Variants in NRXN1 observed in about 807,000 individuals in gnomAD.
NRXN1 encodes the protein neurexin 1.
Under a neutral mutation model 150.9 loss-of-function variants are expected in NRXN1, and 39 were observed. That is an observed-to-expected ratio of 0.26 (90% CI 0.20 to 0.34). NRXN1 has a LOEUF of 0.34. NRXN1 is among the 10% of genes least tolerant of loss of function. The pLI, the probability that NRXN1 is intolerant of heterozygous loss-of-function variation, is 1.00. For missense variants in NRXN1, 1,815 were observed against 1,949.9 expected (o/e 0.93, Z 1.30); for synonymous variants, 924 against 757.0 (o/e 1.22, Z -3.62).
At chr2:50,274,718 G>C (rs1219812952) in intron 17 of NRXN1, among the ~76,000 whole-genome samples, 5 of 151,932 alleles carry the variant, frequency 3.3e-5, no homozygotes, top group Non-Finnish European at 7.4e-5. Context: ...ATGAGCATAG[G>C]CTGGCTGCCA....
intron 18 of NRXN1, among the ~76,000 whole-genome samples, chr2:50,160,659 CAA>C (rs1346324972): frequency 1.3e-5 from 2 of 151,802 alleles, no homozygotes; most frequent in Non-Finnish European, 2.9e-5. Flanking sequence ...AAAGATTGCT[CAA>C]AAAAAGACTC....
chr2:50,140,414 G>C (rs182666048), intron 18 of NRXN1, among the ~76,000 whole-genome samples: 23 of 152,148 alleles, frequency 1.5e-4, no homozygotes, highest in Non-Finnish European at 3.1e-4. Context: ...GATGTTCCTA[G>C]ATACCTTTGG....
chr2:49,988,250 C>G (rs930474618), intron 21 of NRXN1, among the ~76,000 whole-genome samples: 3 of 151,324 alleles, frequency 2.0e-5, no homozygotes, highest in African/African-American at 7.3e-5. Flanking sequence ...AGGAAACCCA[C>G]AGAGAAAGAC....
intron 12 of NRXN1, among the ~76,000 whole-genome samples, chr2:50,512,387 G>T (rs1278565900): frequency 6.6e-6 from 1 of 152,040 alleles, no homozygotes; most frequent in Non-Finnish European, 1.5e-5. Flanking sequence ...TTTTAATGGT[G>T]ATAACTTTTT....
At chr2:50,028,912 G>C (rs1688774239) in intron 21 of NRXN1, among the ~76,000 whole-genome samples, 1 of 152,194 alleles carries the variant, frequency 6.6e-6, no homozygotes, top group South Asian at 2.1e-4. Context: ...CCAAGGAAAT[G>C]TGCTGGGTTC....
intron 13 of NRXN1, among the ~76,000 whole-genome samples, chr2:50,506,102 C>A (rs1356024850): frequency 6.6e-6 from 1 of 152,102 alleles, no homozygotes; most frequent in African/African-American, 2.4e-5. Flanking sequence ...GTATATCTAT[C>A]ATCTTACCTA....
chr2:50,203,418 C>A lies in NRXN1; in HGVS notation c.3546+33371G>T, dbSNP rs150437866. ...CTGAACCTTATTTTTGTACAAGGGT[C>A]CATGTTTGAAGCATTTGAAAGATTT... On this transcript the variant is annotated intron_variant, in intron 18 of 22. Coordinates refer to ENST00000401669, the MANE Select transcript of NRXN1 (RefSeq NM_001330078.2). 1.3e-5 allele frequency among the ~76,000 whole-genome samples: 2 copies of A among 152,178 alleles called. 1 individual carries two copies. The highest frequency in any genetic ancestry group is 4.8e-5 in the African/African-American group (2 of 41,518).
At chr2:50,834,035 A>G (rs1186812697) in intron 5 of NRXN1, among the ~76,000 whole-genome samples, 1 of 152,184 alleles carries the variant, frequency 6.6e-6, no homozygotes, top group Non-Finnish European at 1.5e-5. Context: ...ATACCAGATT[A>G]TACAAAATAC....
chr2:50,180,114 T>G (rs2060606974), intron 18 of NRXN1, among the ~76,000 whole-genome samples: 1 of 152,058 alleles, frequency 6.6e-6, no homozygotes, highest in African/African-American at 2.4e-5. Flanking sequence ...CTTGAACTCC[T>G]GGGCTCAAGC....
intron 5 of NRXN1, among the ~76,000 whole-genome samples, chr2:50,787,123 T>C (rs994248720): frequency 2.0e-5 from 3 of 152,100 alleles, no homozygotes; most frequent in Non-Finnish European, 2.9e-5. Context: ...AAAAGAAATA[T>C]TGCCATCTCC....
intron 2 of NRXN1, among the ~76,000 whole-genome samples, chr2:50,963,663 G>C (rs985590421): frequency 2.6e-5 from 4 of 151,644 alleles, no homozygotes; most frequent in Non-Finnish European, 5.9e-5. Context: ...TGACATACAT[G>C]TTTAAGCAAG....
At chr2:50,975,062 T>C (rs1695612712) in intron 2 of NRXN1, among the ~76,000 whole-genome samples, 1 of 152,104 alleles carries the variant, frequency 6.6e-6, no homozygotes, top group African/African-American at 2.4e-5. Context: ...CACAAGGTTC[T>C]TTTCATAAAA....
chr2:50,414,184 A>G (rs1349320621), intron 17 of NRXN1, among the ~76,000 whole-genome samples: 2 of 152,178 alleles, frequency 1.3e-5, no homozygotes, highest in Admixed American at 1.3e-4. Context: ...ACATTTTAAA[A>G]TAACTTAAAA....
At chr2:50,464,235 T>C (rs1430151182) in intron 17 of NRXN1, among the ~76,000 whole-genome samples, 7 of 151,758 alleles carry the variant, frequency 4.6e-5, no homozygotes, top group Non-Finnish European at 5.9e-5. Flanking sequence ...AGGAAACTAG[T>C]AAAATGAAGA....
At chr2:50,053,729 G>C (rs1693151778) in intron 20 of NRXN1, 139 bp from the exon 21 acceptor site, 2 of 822,104 alleles carry the variant, frequency 2.4e-6, no homozygotes, top group East Asian at 5.3e-5. Flanking sequence ...ATAATTCATT[G>C]CTTATAAATG....
At chr2:50,135,574 C>A (rs1349161018) in intron 18 of NRXN1, among the ~76,000 whole-genome samples, 1 of 152,078 alleles carries the variant, frequency 6.6e-6, no homozygotes, top group Non-Finnish European at 1.5e-5. Flanking sequence ...GCCTGTAGAC[C>A]CAGCTACTCA....
chr2:50,109,242 T>G (rs1702060447), intron 18 of NRXN1, among the ~76,000 whole-genome samples: 1 of 152,186 alleles, frequency 6.6e-6, no homozygotes, highest in Non-Finnish European at 1.5e-5. Flanking sequence ...TAACTATATT[T>G]GTAATCTTGA....
chr2:50,638,222 C>A (rs1176416066), intron 5 of NRXN1, among the ~76,000 whole-genome samples: 1 of 152,130 alleles, frequency 6.6e-6, no homozygotes, highest in African/African-American at 2.4e-5. Flanking sequence ...GAACCCTACC[C>A]ACTTCCACTT....
chr2:50,909,106 GAA>G (rs1252932052), intron 5 of NRXN1, among the ~76,000 whole-genome samples: 1 of 151,946 alleles, frequency 6.6e-6, no homozygotes, highest in African/African-American at 2.4e-5. Context: ...TAACTCTAGA[GAA>G]ATTGAAAACA....
Sources: gnomAD v4.1 joint callset for allele counts (sites outside exome capture counted in the v4.1 genomes callset) on GRCh38, gnomAD v4.1.1 for gene constraint, MANE v1.5 for transcripts, NCBI Gene and HGNC (gene_info 2026-07-23, HGNC 2026-07-21) for gene names.